STXBP4: variants seen among roughly 807,000 people sequenced by gnomAD.
STXBP4 encodes the protein syntaxin binding protein 4, also known as syntaxin-binding protein 4.
In STXBP4, 55 loss-of-function variants were observed where a neutral mutation model predicts 76.1. The ratio of observed to expected loss-of-function variants is 0.72; its 90% CI spans 0.58 to 0.91. STXBP4 has a LOEUF of 0.91. STXBP4 is among the 40% of genes least tolerant of loss of function. The pLI is 0.00. For missense variants in STXBP4, 618 were observed against 636.9 expected (o/e 0.97, Z 0.32); for synonymous variants, 201 against 220.2 (o/e 0.91, Z 0.77).
intron 16 of STXBP4, among the ~76,000 whole-genome samples, chr17:55,127,878 T>C (rs890349339): frequency 3.3e-5 from 5 of 152,190 alleles, no homozygotes; most frequent in African/African-American, 1.2e-4. Context: ...AAATGCTACA[T>C]GATTAGGGAT....
At chr17:55,151,165 T>C (rs889610365) in intron 17 of STXBP4, among the ~76,000 whole-genome samples, 1 of 152,024 alleles carries the variant, frequency 6.6e-6, no homozygotes, top group Non-Finnish European at 1.5e-5. Context: ...GATAGTAAAT[T>C]TGTGTTGTTT....
chr17:55,141,403 C>A, intron 17 of STXBP4, 36 bp downstream of exon 17: 1 of 1,578,532 alleles, frequency 6.3e-7, no homozygotes, highest in Non-Finnish European at 8.7e-7. Context: ...AAGCAATTTT[C>A]TTCACATCTG....
chr17:55,007,148 G>A (rs2078023663), intron 7 of STXBP4, among the ~76,000 whole-genome samples: 3 of 151,890 alleles, frequency 2.0e-5, no homozygotes. Context: ...GACCAGCCTG[G>A]CCAACATAGT....
chr17:55,037,803 C>A (rs1448084977), intron 10 of STXBP4, among the ~76,000 whole-genome samples: 5 of 152,096 alleles, frequency 3.3e-5, no homozygotes, highest in Non-Finnish European at 7.4e-5. Flanking sequence ...ACTTGTATTT[C>A]ATTAAAACTT....
At chr17:55,051,175 ATTTAC>A (rs2078853957) in intron 12 of STXBP4, among the ~76,000 whole-genome samples, 1 of 152,126 alleles carries the variant, frequency 6.6e-6, no homozygotes, top group Non-Finnish European at 1.5e-5. Context: ...TTCATGTAAT[ATTTAC>A]TTTTGTGTAC....
intron 1 of STXBP4, among the ~76,000 whole-genome samples, chr17:54,969,635 T>C (rs761463826): frequency 2.0e-5 from 3 of 152,240 alleles, no homozygotes; most frequent in African/African-American, 4.8e-5. Context: ...AAAGTTAGGC[T>C]GTATTTCTAC....
the STXBP4 span, among the ~76,000 whole-genome samples, chr17:55,190,941 C>T: frequency 8.5e-5 from 13 of 152,142 alleles, no homozygotes; most frequent in African/African-American, 2.7e-4. Context: ...AGAGAATGAC[C>T]GTAGCAGTAA....
chr17:55,205,051 C>T, the STXBP4 span, among the ~76,000 whole-genome samples: 1 of 151,982 alleles, frequency 6.6e-6, no homozygotes, highest in Non-Finnish European at 1.5e-5. Flanking sequence ...CTTGCCATGG[C>T]CAGAAGTGAA....
rs2080377586 is a variant in STXBP4 at position 55,166,328 on chromosome 17, T to C, written c.*6417T>C. 6.6e-6 allele frequency: 1 copy of C among 152,200 alleles called. No homozygotes were observed. Among genetic ancestry groups the C allele is most frequent in the East Asian group, 1.9e-4 (1 of 5,192 alleles). 9.4% of individuals were successfully genotyped at this position (152,200 alleles called of 1,614,324 possible). A position where few individuals can be genotyped will look rare whatever the true frequency, so the allele number is the denominator to read the frequency against. ...ACCTGGATGCTTTCAACACAGGTGA[T>C]ATAGCTTCTTCCTTCTCCACCACAC... On this transcript the variant is annotated 3_prime_UTR_variant, in exon 18 of 18. Coordinates refer to ENST00000376352, the MANE Select transcript of STXBP4 (RefSeq NM_178509.6).
At chr17:55,199,782 T>C in the STXBP4 span, among the ~76,000 whole-genome samples, 1 of 152,206 alleles carries the variant, frequency 6.6e-6, no homozygotes, top group African/African-American at 2.4e-5. Flanking sequence ...GGTTTTCCAT[T>C]TCACATAGAA....
At chr17:55,101,629 C>G (rs994788455) in intron 16 of STXBP4, among the ~76,000 whole-genome samples, 1 of 152,174 alleles carries the variant, frequency 6.6e-6, no homozygotes, top group Non-Finnish European at 1.5e-5. Flanking sequence ...GAAATTCACC[C>G]TTTGCTGTAG....
chr17:55,129,509 C>G (rs2079951445), intron 16 of STXBP4, among the ~76,000 whole-genome samples: 1 of 152,020 alleles, frequency 6.6e-6, no homozygotes, highest in Non-Finnish European at 1.5e-5. Flanking sequence ...AGGAAGATCC[C>G]TTGAGCCCAG....
chr17:55,042,836 T>C (rs1192464210), intron 10 of STXBP4, among the ~76,000 whole-genome samples: 1 of 152,170 alleles, frequency 6.6e-6, no homozygotes, highest in African/African-American at 2.4e-5. Context: ...GTAAACCATC[T>C]GATTTATAAT....
chr17:54,987,657 G>A (rs1247589714), intron 3 of STXBP4, among the ~76,000 whole-genome samples: 3 of 152,152 alleles, frequency 2.0e-5, no homozygotes, highest in African/African-American at 7.2e-5. Context: ...TACAAATTAT[G>A]CCAAAATGAA....
intron 1 of STXBP4, among the ~76,000 whole-genome samples, chr17:54,972,471 G>A (rs2077414861): frequency 1.3e-5 from 2 of 152,126 alleles, no homozygotes; most frequent in Admixed American, 1.3e-4. Flanking sequence ...CATCAATATA[G>A]ACTCATGACT....
At chr17:55,116,092 A>C (rs1357918958) in intron 16 of STXBP4, among the ~76,000 whole-genome samples, 1 of 151,832 alleles carries the variant, frequency 6.6e-6, no homozygotes, top group Admixed American at 6.6e-5. Context: ...TATCTGAGCT[A>C]CTTATGTCTC....
chr17:55,193,307 T>C, the STXBP4 span, among the ~76,000 whole-genome samples: 1 of 152,072 alleles, frequency 6.6e-6, no homozygotes. Flanking sequence ...AAGGACCACA[T>C]GCAAGGGAAT....
the STXBP4 span, among the ~76,000 whole-genome samples, chr17:55,189,955 T>C: frequency 2.6e-5 from 4 of 152,182 alleles, no homozygotes; most frequent in African/African-American, 9.7e-5. Context: ...TATATATTGT[T>C]GAAAGTAGGC....
At chr17:55,023,191 C>T (rs1053032631) in intron 8 of STXBP4, among the ~76,000 whole-genome samples, 4 of 152,150 alleles carry the variant, frequency 2.6e-5, no homozygotes, top group Non-Finnish European at 5.9e-5. Context: ...CTATGTAATC[C>T]TTGAACAGTT....
Sources: gnomAD v4.1 joint callset for allele counts (sites outside exome capture counted in the v4.1 genomes callset) on GRCh38, gnomAD v4.1.1 for gene constraint, MANE v1.5 for transcripts, NCBI Gene and HGNC (gene_info 2026-07-23, HGNC 2026-07-21) for gene names.